Variants in ZMIZ2 observed in about 807,000 individuals in gnomAD.
ZMIZ2 encodes the protein zinc finger MIZ-type containing 2, also known as zinc finger MIZ domain-containing protein 2.
In ZMIZ2, 26 loss-of-function variants were observed where a neutral mutation model predicts 93.9. The observed-to-expected ratio is 0.28, with a 90% CI of 0.20 to 0.38. The LOEUF (loss-of-function observed/expected upper bound fraction) is 0.38, where lower values mean the gene tolerates loss of function less well. Ranked by LOEUF, ZMIZ2 falls within the 10% of genes least tolerant of loss-of-function variation. The pLI is 1.00. For missense variants in ZMIZ2, 1,023 were observed against 1,235.0 expected, an observed-to-expected ratio of 0.83 and a Z score of 2.57; for synonymous variants, 485 against 516.4, an observed-to-expected ratio of 0.94 and a Z score of 0.82.
rs370276842 is a variant in ZMIZ2 at position 44,765,501 on chromosome 7, G to A, written c.2164G>A (p.Ala722Thr). 7.9e-5 allele frequency: 127 copies of A among 1,598,902 alleles called. 1 individual carries two copies. In the Middle Eastern group the frequency reaches 9.9e-4, roughly 12 times the overall value. Residue 722 changes from alanine to threonine, a missense_variant, in exon 16 of 19, where the codon GCC (alanine) becomes ACC (threonine). Around this residue, in one of 3 missense-constraint regions of ZMIZ2, gnomAD observed 319 missense variants for 358.8 expected, o/e 0.89. Transcript: ENST00000309315. The surrounding 1 kb of genome is among the most constrained non-coding windows in gnomAD (Gnocchi z 4.1). ...LMPSVMEMIA[A>T]LGPGAAPFAP... ...GCCCAGCGTGATGGAGATGATCGCC[G>A]CCCTGGGCCCCGGCGCTGCCCCCTT...
At chr7:44,756,784 C>T in intron 3 of ZMIZ2, 163 bp from the exon 4 acceptor site, 2 of 928,206 alleles carry the variant, frequency 2.2e-6, no homozygotes, top group Non-Finnish European at 3.3e-6. Context: ...ATGCCCCAAC[C>T]TCCCTGTGGA....
rs981736276 is a variant in ZMIZ2, at chr7:44,766,843, G to A, written c.2655+180G>A. Among the ~76,000 whole-genome samples the A allele has an allele frequency of 1.3e-5, 2 of 152,176 alleles. No homozygotes were observed. The highest frequency in any genetic ancestry group is 2.9e-5 in the Non-Finnish European group (2 of 68,030). ...CCTGGAGTAGCTGCGGGTGGGATGCGATGTACCACATTTGTGTTCATGAGG... is the reference window on the plus strand; with the variant it reads ...CCTGGAGTAGCTGCGGGTGGGATGCAATGTACCACATTTGTGTTCATGAGG... On this transcript the variant is annotated intron_variant, in intron 18 of 18. Coordinates refer to ENST00000309315, the MANE Select transcript of ZMIZ2 (RefSeq NM_031449.4). This position sits in a 1 kb window ranked among gnomAD's most constrained non-coding sequence, Gnocchi z 4.4.
chr7:44,756,043 C>G (rs957375669), intron 1 of ZMIZ2, 145 bp from the exon 2 acceptor site: 1 of 655,750 alleles, frequency 1.5e-6, no homozygotes, highest in Non-Finnish European at 2.7e-6. Flanking sequence ...AGTACTAGGC[C>G]CCTCCACTGC....
chr7:44,750,805 T>G (rs1374872235), intron 1 of ZMIZ2, among the ~76,000 whole-genome samples: 1 of 151,626 alleles, frequency 6.6e-6, no homozygotes, highest in Non-Finnish European at 1.5e-5. Context: ...CAGCTGGAGT[T>G]AGTTTACAAG....
rs1029704700 is a variant in ZMIZ2 at position 44,761,508 on chromosome 7, G to C, written c.1300G>C (p.Glu434Gln). ...CCCTGTGCGCGATGGGGTGGTCCTG[G>C]AGCCCTTCCGCCTGCAGCACAACCT... ...TFPVRDGVVL[E>Q]PFRLQHNLAV... The change falls in exon 10 of 19, where the codon GAG becomes CAG. Residue 434 changes from glutamate to glutamine, a missense_variant. Around this residue, in one of 3 missense-constraint regions of ZMIZ2, gnomAD observed 656 missense variants for 777.1 expected, o/e 0.84. Transcript: ENST00000309315. This position sits in a 1 kb window ranked among gnomAD's most constrained non-coding sequence, Gnocchi z 5.8. 27 of 1,613,990 alleles carry C rather than the reference G, an allele frequency of 1.7e-5. No homozygotes were observed. Among genetic ancestry groups the C allele is most frequent in the Non-Finnish European group, 2.1e-5 (25 of 1,180,052 alleles).
intron 11 of ZMIZ2, 79 bp from the exon 12 acceptor site, chr7:44,762,798 CACAA>C: frequency 9.3e-7 from 1 of 1,073,846 alleles, no homozygotes; most frequent in Non-Finnish European, 1.3e-6. Context: ...GCCCCTGACA[CACAA>C]CCCCCAGCAC....
At chr7:44,760,083 G>A in intron 7 of ZMIZ2, 68 bp from the exon 8 acceptor site, 8 of 1,568,592 alleles carry the variant, frequency 5.1e-6, no homozygotes, top group Middle Eastern at 3.4e-4. Flanking sequence ...GGCTTCTAGG[G>A]TCAGGTCCAG....
chr7:44,749,199 C>G (rs879407207), intron 1 of ZMIZ2, among the ~76,000 whole-genome samples: 62 of 152,132 alleles, frequency 4.1e-4, no homozygotes, highest in Non-Finnish European at 6.2e-4. Context: ...GCCCACCTGC[C>G]GGCACCTGCC....
At chr7:44,755,036 C>T (rs948676883) in intron 1 of ZMIZ2, among the ~76,000 whole-genome samples, 6 of 152,144 alleles carry the variant, frequency 3.9e-5, no homozygotes, top group East Asian at 1.9e-4. Context: ...GTGGCAGTGT[C>T]GGAAGGCGTG....
chr7:44,759,852 C>T, intron 7 of ZMIZ2: 1 of 504,284 alleles, frequency 2.0e-6, no homozygotes, highest in Admixed American at 3.8e-5. Flanking sequence ...TGGCCATGTA[C>T]CCTTTCTGGG....
At chr7:44,764,578 G>T in intron 14 of ZMIZ2, 92 bp downstream of exon 14, 1 of 1,410,584 alleles carries the variant, frequency 7.1e-7, no homozygotes. Flanking sequence ...TCAAAGATAC[G>T]AGCCTGCTGG....
intron 6 of ZMIZ2, among the ~76,000 whole-genome samples, 184 bp downstream of exon 6, chr7:44,758,292 C>A (rs1444159729): frequency 6.6e-6 from 1 of 152,018 alleles, no homozygotes; most frequent in Non-Finnish European, 1.5e-5. Flanking sequence ...CCAGCCTGGG[C>A]AACATGGCGA....
chr7:44,757,498 A>G lies in ZMIZ2; in HGVS notation c.489A>G (p.Thr163=). The G allele has an allele frequency of 6.2e-7, 1 of 1,608,268 alleles. No individual in the cohort carries two copies. Among genetic ancestry groups the G allele is most frequent in the Non-Finnish European group, 8.5e-7 (1 of 1,179,344 alleles). ...CTGCGGCAGCCACTGCCACCGCCAC[A>G]GCCACAGCCACCGTGGCTGCTCTCC... ...VAAAAATATA[T]ATATVAALQE... Residue 163 remains threonine, a synonymous_variant, in exon 5 of 19, where the codon ACA becomes ACG. Coordinates refer to ENST00000309315, the MANE Select transcript of ZMIZ2 (RefSeq NM_031449.4).
intron 9 of ZMIZ2, among the ~76,000 whole-genome samples, 199 bp downstream of exon 9, chr7:44,760,792 G>T (rs934085236): frequency 2.0e-5 from 3 of 150,482 alleles, no homozygotes; most frequent in African/African-American, 7.4e-5. Context: ...CAAGGTTACC[G>T]TGAGTGTGAT....
Position 44,761,814 on chromosome 7 carries a change from A to G in ZMIZ2, c.1505A>G (p.Asp502Gly), listed in dbSNP as rs1791210165. ...ACGCCGCTCACCATCGAGCGTGGCG[A>G]CAACAAGACCTCGCACAAGCCACTC... ...NATPLTIERG[D>G]NKTSHKPLYL... is the part of the protein sequence containing the mutation. The change falls in exon 11 of 19, where the codon GAC (aspartate) becomes GGC (glycine). Residue 502 changes from aspartate (D) to glycine (G), a missense_variant. This residue lies in a region of ZMIZ2 where 656 missense variants were observed against 777.1 expected (regional missense o/e 0.84). Transcript: ENST00000309315. The surrounding 1 kb of genome is among the most constrained non-coding windows in gnomAD (Gnocchi z 5.8). 4 of 1,613,390 alleles carry G rather than the reference A, an allele frequency of 2.5e-6. No individual in the cohort carries two copies. The Admixed American group carries it at 5.0e-5, about 20-fold the overall frequency.
Position 44,766,342 on chromosome 7 carries a change from C to G in ZMIZ2, c.2412+9C>G. The stretch of plus-strand genomic sequence containing the variant: ...CCTGCCTCCCAAGCCAGGTCAGTGC[C>G]AAGCCGAGAGGCCAAGGGGCCCTGT... On this transcript the variant is annotated intron_variant, in intron 17 of 18. Coordinates refer to ENST00000309315, the MANE Select transcript of ZMIZ2 (RefSeq NM_031449.4). The surrounding 1 kb of genome is among the most constrained non-coding windows in gnomAD (Gnocchi z 4.4). 6.2e-7 allele frequency: 1 copy of G among 1,601,444 alleles called. No individual in the cohort carries two copies. Among genetic ancestry groups the G allele is most frequent in the Non-Finnish European group, 8.5e-7 (1 of 1,172,832 alleles).
At position 44,765,833 on chromosome 7, in the gene ZMIZ2, T is replaced by A; in HGVS notation, c.2242+254T>A. The A allele has an allele frequency of 9.3e-7, 1 of 1,078,034 alleles. No homozygotes were observed. Among genetic ancestry groups the A allele is most frequent in the Non-Finnish European group, 1.3e-6 (1 of 782,606 alleles). 66.8% of individuals were successfully genotyped at this position (1,078,034 alleles called of 1,614,324 possible). On this transcript the variant is annotated intron_variant, in intron 16 of 18. Coordinates refer to ENST00000309315, the MANE Select transcript of ZMIZ2 (RefSeq NM_031449.4). This position sits in a 1 kb window ranked among gnomAD's most constrained non-coding sequence, Gnocchi z 4.1. ...TCCACCCTTCCTTCCCCGTTTGGAT[T>A]AAGGGGCTCCTGGCTGGAACACCTC...
intron 1 of ZMIZ2, among the ~76,000 whole-genome samples, chr7:44,751,790 CA>C (rs1790169996): frequency 6.6e-6 from 1 of 152,070 alleles, no homozygotes; most frequent in Admixed American, 6.6e-5. Context: ...ACTTCATCTC[CA>C]CTAAAAATAC....
In ZMIZ2 at chr7:44,765,362, C is replaced by T; in HGVS notation, c.2025C>T (p.Asp675=). The part of the protein sequence containing the change: ...QNSDYEEITI[D]PTCSWKPVPV... ...CTGACTATGAGGAGATCACCATCGA[C>T]CCCACGTGCAGCTGGAAGCCAGTGC... Residue 675 remains aspartate (D), a synonymous_variant, in exon 16 of 19, where the codon GAC becomes GAT. Coordinates refer to ENST00000309315, the MANE Select transcript of ZMIZ2 (RefSeq NM_031449.4). This position sits in a 1 kb window ranked among gnomAD's most constrained non-coding sequence, Gnocchi z 4.1. 6.2e-7 allele frequency: 1 copy of T among 1,613,592 alleles called. No homozygotes were observed.
Sources: gnomAD v4.1 joint callset for allele counts (sites outside exome capture counted in the v4.1 genomes callset) on GRCh38, gnomAD v4.1.1 for gene constraint, gnomAD v4.1.1 regional missense constraint, Gnocchi (gnomAD v3.1) non-coding constraint, MANE v1.5 for transcripts, NCBI Gene and HGNC (gene_info 2026-07-23, HGNC 2026-07-21) for gene names.